IFRD1: variants seen among roughly 807,000 people sequenced by gnomAD.
IFRD1 encodes the protein interferon related developmental regulator 1.
IFRD1 carries 35 observed loss-of-function variants against 52.9 expected under a neutral mutation model. That is an observed-to-expected ratio of 0.66 (90% CI 0.51 to 0.88). The LOEUF (loss-of-function observed/expected upper bound fraction) is 0.88, where lower values mean the gene tolerates loss of function less well. IFRD1 is among the 40% of genes least tolerant of loss of function. IFRD1 has a pLI of 0.00. For synonymous variants in IFRD1, 184 were observed against 188.4 expected, an observed-to-expected ratio of 0.98 and a Z score of 0.19; for missense variants, 517 against 550.8, an observed-to-expected ratio of 0.94 and a Z score of 0.61.
chr7:112,433,808 G>A (rs1369677561), intron 1 of IFRD1, among the ~76,000 whole-genome samples: 1 of 151,572 alleles, frequency 6.6e-6, no homozygotes. Flanking sequence ...TGTAAAGGCA[G>A]TTTCACAACT....
chr7:112,434,126 T>G (rs1427587741), intron 1 of IFRD1, among the ~76,000 whole-genome samples: 1 of 152,216 alleles, frequency 6.6e-6, no homozygotes, highest in Non-Finnish European at 1.5e-5. Context: ...CCTGACTGTC[T>G]TATTTTTTAA....
chr7:112,446,679 G>A (rs1230092378), upstream of IFRD1, among the ~76,000 whole-genome samples: 1 of 152,202 alleles, frequency 6.6e-6, no homozygotes, highest in South Asian at 2.1e-4. Flanking sequence ...TGAATGGCAA[G>A]TGTGGGAAGC....
At chr7:112,450,160 G>A (rs1463972955), upstream of IFRD1, 1 of 159,212 alleles carries the variant, frequency 6.3e-6, no homozygotes, top group Non-Finnish European at 1.4e-5. Context: ...GGCAGGGGTG[G>A]GGTCACCAGG....
upstream of IFRD1, among the ~76,000 whole-genome samples, chr7:112,448,110 C>A (rs1584481777): frequency 1.5e-5 from 2 of 134,872 alleles, no homozygotes; most frequent in Admixed American, 8.0e-5. Context: ...TTTTCAAGTT[C>A]CTGGGCCTGT....
chr7:112,458,085 T>C (rs1795339298), intron 4 of IFRD1: 1 of 152,202 alleles, frequency 6.6e-6, no homozygotes, highest in African/African-American at 2.4e-5. Flanking sequence ...TAAAGGTGTT[T>C]TACATTCAAA....
chr7:112,457,844 A>G (rs1380859085), intron 4 of IFRD1: 3 of 152,324 alleles, frequency 2.0e-5, no homozygotes, highest in Non-Finnish European at 4.4e-5. Context: ...AAAATGTAGA[A>G]ATGCACTTTT....
Position 112,461,915 on chromosome 7 carries a change from C to G in IFRD1, c.617C>G (p.Thr206Ser). The G allele has an allele frequency of 6.2e-7, 1 of 1,608,994 alleles. No individual in the cohort carries two copies. The highest frequency in any genetic ancestry group is 1.7e-5 in the Admixed American group (1 of 59,902). ...TGTTTTATTGCCACAGATGACATTA[C>G]TGTAAGTAAAAAACCTTTGATTCTA... Reference protein sequence around the residue: ...VCCFIATDDITELYSTLECLE... With the variant: ...VCCFIATDDISELYSTLECLE... The change falls in exon 6 of 12, where the codon ACT becomes AGT. Residue 206 changes from threonine (T) to serine (S), a missense_variant and splice_region_variant. Coordinates refer to ENST00000403825, the MANE Select transcript of IFRD1 (RefSeq NM_001550.4).
At chr7:112,434,862 T>C (rs182880693) in intron 1 of IFRD1, among the ~76,000 whole-genome samples, 33 of 152,334 alleles carry the variant, frequency 2.2e-4, no homozygotes, top group African/African-American at 7.7e-4. Flanking sequence ...AATATAAACA[T>C]GATCACAACC....
intron 10 of IFRD1, among the ~76,000 whole-genome samples, 160 bp from the exon 11 acceptor site, chr7:112,472,606 G>A (rs934418667): frequency 1.3e-5 from 2 of 152,120 alleles, no homozygotes; most frequent in Non-Finnish European, 2.9e-5. Context: ...TGGATTCAAG[G>A]CATTGAAAAC....
intron 9 of IFRD1, among the ~76,000 whole-genome samples, chr7:112,471,137 GTTA>G (rs1563272574): frequency 6.6e-6 from 1 of 152,102 alleles, no homozygotes; most frequent in African/African-American, 2.4e-5. Context: ...TAACTCTACT[GTTA>G]TTTATTTATT....
chr7:112,427,274 C>A (rs536673446), intron 1 of IFRD1, among the ~76,000 whole-genome samples: 1 of 152,292 alleles, frequency 6.6e-6, no homozygotes, highest in African/African-American at 2.4e-5. Flanking sequence ...CCAATTAGGC[C>A]TCACCCCACA....
chr7:112,461,804 A>G, intron 5 of IFRD1, 62 bp from the exon 6 acceptor site: 1 of 877,736 alleles, frequency 1.1e-6, no homozygotes. Flanking sequence ...AAAAGCAGGA[A>G]GATGTAGAAT....
chr7:112,445,136 G>C (rs547922768), intron 1 of IFRD1, among the ~76,000 whole-genome samples: 1 of 144,134 alleles, frequency 6.9e-6, no homozygotes, highest in Non-Finnish European at 1.5e-5. Context: ...GCGCAATCTC[G>C]GCTCACTGCA....
chr7:112,424,474 G>A (rs1454990844), intron 1 of IFRD1, among the ~76,000 whole-genome samples: 1 of 151,702 alleles, frequency 6.6e-6, no homozygotes, highest in Non-Finnish European at 1.5e-5. Context: ...GAGTGCAATG[G>A]CACGATCTTG....
rs752810702 is a variant in IFRD1 at position 112,472,836 on chromosome 7, CGAT to C, written c.1244_1246del (p.Met415del). The C allele has an allele frequency of 6.2e-6, 10 of 1,612,636 alleles. No homozygotes were observed. Among genetic ancestry groups the C allele is most frequent in the Non-Finnish European group, 8.5e-6 (10 of 1,178,806 alleles). On this transcript the variant is annotated inframe_deletion, in exon 11 of 12. Transcript: ENST00000403825. Reference sequence around the variant, plus strand: ...ATGCTTGATGCTGCAACGCTTAAAACGATGAAGATTTCTCGTTTCGAAAGGGTA... The same window carrying C: ...ATGCTTGATGCTGCAACGCTTAAAACGAAGATTTCTCGTTTCGAAAGGGTA...
At chr7:112,466,222 A>G (rs755236969) in intron 8 of IFRD1, among the ~76,000 whole-genome samples, 1 of 151,952 alleles carries the variant, frequency 6.6e-6, no homozygotes, top group Non-Finnish European at 1.5e-5. Flanking sequence ...CTTTTTTATT[A>G]CGTGTTACAT....
chr7:112,467,967 C>T lies in IFRD1; in HGVS notation c.907-14C>T. The T allele has an allele frequency of 6.2e-7, 1 of 1,613,020 alleles. No homozygotes were observed. The highest frequency in any genetic ancestry group is 8.5e-7 in the Non-Finnish European group (1 of 1,179,116). On this transcript the variant is annotated splice_polypyrimidine_tract_variant and intron_variant, in intron 8 of 11. Coordinates refer to ENST00000403825, the MANE Select transcript of IFRD1 (RefSeq NM_001550.4). The stretch of plus-strand genomic sequence containing the variant: ...AATAATAATAAAGGAAACAAAATTG[C>T]TTTTCTTGTCCAGGACTTTTTTTAT...
chr7:112,432,564 T>A (rs1411375882), intron 1 of IFRD1, among the ~76,000 whole-genome samples: 1 of 152,236 alleles, frequency 6.6e-6, no homozygotes, highest in Non-Finnish European at 1.5e-5. Flanking sequence ...TTGAACCAAT[T>A]CCATGTATTA....
At chr7:112,475,018 G>C (rs1795860594) in intron 11 of IFRD1, among the ~76,000 whole-genome samples, 1 of 151,844 alleles carries the variant, frequency 6.6e-6, no homozygotes, top group Non-Finnish European at 1.5e-5. Context: ...GAGTGCAGTG[G>C]CGTGATCTCG....
Sources: gnomAD v4.1 joint callset for allele counts (sites outside exome capture counted in the v4.1 genomes callset) on GRCh38, gnomAD v4.1.1 for gene constraint, MANE v1.5 for transcripts, NCBI Gene and HGNC (gene_info 2026-07-23, HGNC 2026-07-21) for gene names.